The following BFSP2 variants were observed in gnomAD, a reference collection of about 807,000 sequenced individuals.
BFSP2 encodes the protein beaded filament structural protein 2, also known as phakinin.
In BFSP2, 38 loss-of-function variants were observed where a neutral mutation model predicts 44.9. The observed-to-expected ratio is 0.85, with a 90% CI of 0.65 to 1.11. The LOEUF is 1.11. BFSP2 is among the 50% of genes least tolerant of loss of function. The probability of loss-of-function intolerance (pLI) is 0.00; values close to 1 mark genes in which losing one functional copy is unlikely to be tolerated. For synonymous variants in BFSP2, 197 were observed against 209.9 expected, an observed-to-expected ratio of 0.94 and a Z score of 0.53; for missense variants, 525 against 533.0, an observed-to-expected ratio of 0.99 and a Z score of 0.15.
At chr3:133,406,398 C>T (rs1365724354) in intron 1 of BFSP2, among the ~76,000 whole-genome samples, 3 of 152,226 alleles carry the variant, frequency 2.0e-5, no homozygotes, top group African/African-American at 7.2e-5. Flanking sequence ...ATACACCACA[C>T]TCGGCCACTC....
At position 133,463,264 on chromosome 3, in the gene BFSP2, G is replaced by A. The variant is rs576727567; in HGVS notation, c.892-3564G>A. 9.6e-4 allele frequency among the ~76,000 whole-genome samples: 146 copies of A among 152,192 alleles called. 1 individual carries two copies. The highest frequency in any genetic ancestry group is 1.7e-3 in the Non-Finnish European group (114 of 68,016). On this transcript the variant is annotated intron_variant, in intron 4 of 6. Transcript: ENST00000302334. ...GCAGAGGTTGCGGTGAGCTGAGATC[G>A]CACCATCGCACTCCAGCCTGGGGGA...
At chr3:133,424,704 C>T (rs1427504103) in intron 1 of BFSP2, among the ~76,000 whole-genome samples, 2 of 152,156 alleles carry the variant, frequency 1.3e-5, no homozygotes, top group African/African-American at 2.4e-5. Context: ...GGCACAATCT[C>T]GGCTCAGTTC....
intron 1 of BFSP2, among the ~76,000 whole-genome samples, chr3:133,416,060 C>G (rs779212865): frequency 1.7e-3 from 227 of 134,284 alleles, no homozygotes; most frequent in Non-Finnish European, 2.9e-3. Flanking sequence ...ACTCATCCCT[C>G]TACACACCCT....
At chr3:133,438,737 T>TGAAATATTTA (rs2073816341) in intron 1 of BFSP2, among the ~76,000 whole-genome samples, 1 of 152,168 alleles carries the variant, frequency 6.6e-6, no homozygotes, top group Non-Finnish European at 1.5e-5. Context: ...CAAGGACTAC[T>TGAAATATTTA]GAAATATTTA....
At chr3:133,470,252 G>A (rs567713407) in intron 5 of BFSP2, among the ~76,000 whole-genome samples, 1 of 152,202 alleles carries the variant, frequency 6.6e-6, no homozygotes, top group South Asian at 2.1e-4. Context: ...CATATCCTAT[G>A]GAATTAAGAA....
At chr3:133,430,297 T>A (rs2073699756) in intron 1 of BFSP2, among the ~76,000 whole-genome samples, 1 of 151,538 alleles carries the variant, frequency 6.6e-6, no homozygotes, top group Non-Finnish European at 1.5e-5. Flanking sequence ...GGTCAAATGG[T>A]ATTTCTAGTT....
intron 1 of BFSP2, among the ~76,000 whole-genome samples, chr3:133,437,735 A>G (rs2073804241): frequency 1.3e-5 from 2 of 152,248 alleles, no homozygotes; most frequent in Non-Finnish European, 2.9e-5. Context: ...CATGGGGGTA[A>G]TGGAAGATGG....
intron 4 of BFSP2, among the ~76,000 whole-genome samples, chr3:133,451,676 C>T (rs535278320): frequency 2.0e-5 from 3 of 152,270 alleles, no homozygotes; most frequent in South Asian, 2.1e-4. Flanking sequence ...GATTAGCAGT[C>T]GTTGCCTTTG....
intron 2 of BFSP2, among the ~76,000 whole-genome samples, chr3:133,447,653 G>A (rs2073916015): frequency 6.6e-6 from 1 of 152,176 alleles, no homozygotes; most frequent in South Asian, 2.1e-4. Context: ...GAATCACCCA[G>A]GGGCCATATA....
At chr3:133,411,024 C>A (rs1249027715) in intron 1 of BFSP2, among the ~76,000 whole-genome samples, 2 of 152,146 alleles carry the variant, frequency 1.3e-5, no homozygotes, top group East Asian at 1.9e-4. Context: ...TGTTAGCTCC[C>A]CTCTTGGGAA....
intron 1 of BFSP2, among the ~76,000 whole-genome samples, chr3:133,401,700 C>A (rs1176986446): frequency 6.6e-6 from 1 of 152,184 alleles, no homozygotes; most frequent in Non-Finnish European, 1.5e-5. Context: ...TCCCTCTGAG[C>A]AAAATCAGTC....
At chr3:133,431,365 A>G (rs2073715576) in intron 1 of BFSP2, among the ~76,000 whole-genome samples, 1 of 152,160 alleles carries the variant, frequency 6.6e-6, no homozygotes, top group Admixed American at 6.5e-5. Flanking sequence ...CGCAGCAGCC[A>G]GGCGTTCCTC....
At chr3:133,464,661 T>TAC (rs10633202) in intron 4 of BFSP2, among the ~76,000 whole-genome samples, 136,521 of 152,150 alleles carry the variant, frequency 0.9, 61,338 homozygotes, top group East Asian at 0.91. Context: ...GGAAAATATA[T>TAC]AGTCAGTGTT....
At chr3:133,467,117 T>C (rs1161031734) in intron 5 of BFSP2, among the ~76,000 whole-genome samples, 158 bp downstream of exon 5, 1 of 152,226 alleles carries the variant, frequency 6.6e-6, no homozygotes, top group Non-Finnish European at 1.5e-5. Context: ...GATCATCAGA[T>C]ACTGAATCAC....
rs981669012 is a variant in BFSP2, at chr3:133,472,535, A to G, written c.1214A>G (p.Tyr405Cys). The G allele has an allele frequency of 1.2e-6, 2 of 1,612,354 alleles. No homozygotes were observed. Among genetic ancestry groups the G allele is most frequent in the African/African-American group, 2.7e-5 (2 of 74,898 alleles). Residue 405 changes from tyrosine (Y) to cysteine (C), a missense_variant, in exon 6 of 7, where the codon TAC (tyrosine) becomes TGC (cysteine). Physicochemically the swap from Tyr to Cys is radical, Grantham distance 194. Transcript: ENST00000302334. Reference sequence around the variant, plus strand: ...CAGCTGCAGAAGGACGTGGCGTCCTACCACGCCCTGCTGGACAGGGAGGAG... The same window carrying G: ...CAGCTGCAGAAGGACGTGGCGTCCTGCCACGCCCTGCTGGACAGGGAGGAG... ...KCQLQKDVAS[Y>C]HALLDREESG is the part of the protein sequence containing the mutation.
Position 133,406,144 on chromosome 3 carries a change from A to C in BFSP2, c.489+5572A>C, listed in dbSNP as rs571622484. On this transcript the variant is annotated intron_variant, in intron 1 of 6. Coordinates refer to ENST00000302334, the MANE Select transcript of BFSP2 (RefSeq NM_003571.4). ...TTTTTTTTTTTTGTATTTTTAGTAG[A>C]GACAGGGTTTCACCATGTTGGCCAG... Among the ~76,000 whole-genome samples the C allele has an allele frequency of 1.5e-3, 228 of 149,770 alleles. 1 individual carries two copies. Among genetic ancestry groups the C allele is most frequent in the African/African-American group, 4.7e-3 (190 of 40,628 alleles).
At chr3:133,464,369 A>C (rs978913299) in intron 4 of BFSP2, among the ~76,000 whole-genome samples, 1 of 152,128 alleles carries the variant, frequency 6.6e-6, no homozygotes, top group Non-Finnish European at 1.5e-5. Flanking sequence ...TGAGCAAATA[A>C]CTCAATCTCC....
chr3:133,420,079 G>T (rs1021835781), intron 1 of BFSP2, among the ~76,000 whole-genome samples: 4 of 152,224 alleles, frequency 2.6e-5, no homozygotes, highest in Non-Finnish European at 4.4e-5. Flanking sequence ...GTGAGGCACG[G>T]CTCTGTTAAA....
intron 5 of BFSP2, among the ~76,000 whole-genome samples, chr3:133,469,773 G>A (rs969690190): frequency 6.6e-6 from 1 of 152,226 alleles, no homozygotes; most frequent in Non-Finnish European, 1.5e-5. Flanking sequence ...AGGTGGGGAA[G>A]CTGGATTCGG....
Sources: gnomAD v4.1 joint callset for allele counts (sites outside exome capture counted in the v4.1 genomes callset) on GRCh38, gnomAD v4.1.1 for gene constraint, MANE v1.5 for transcripts, NCBI Gene and HGNC (gene_info 2026-07-23, HGNC 2026-07-21) for gene names.